The following TBC1D22A variants were observed in gnomAD, a reference collection of about 807,000 sequenced individuals.
The protein encoded by TBC1D22A is putative GTPase activator.
TBC1D22A carries 38 observed loss-of-function variants against 60.2 expected under a neutral mutation model. That is an observed-to-expected ratio of 0.63 (90% CI 0.49 to 0.83). The LOEUF is 0.83. Among genes scored for constraint, TBC1D22A ranks in the 40% least tolerant of loss-of-function variants. TBC1D22A has a pLI of 0.00. For synonymous variants in TBC1D22A, 302 were observed against 281.7 expected, an observed-to-expected ratio of 1.07 and a Z score of -0.72; for missense variants, 628 against 701.0, an observed-to-expected ratio of 0.90 and a Z score of 1.18.
At chr22:47,066,439 C>T (rs2147484115) in intron 11 of TBC1D22A, among the ~76,000 whole-genome samples, 1 of 152,282 alleles carries the variant, frequency 6.6e-6, no homozygotes, top group East Asian at 1.9e-4. Flanking sequence ...CAAGCTTTGG[C>T]TGCCCAAGGG....
chr22:46,948,518 C>G (rs2072691953), intron 8 of TBC1D22A, among the ~76,000 whole-genome samples: 1 of 152,222 alleles, frequency 6.6e-6, no homozygotes, highest in Admixed American at 6.5e-5. Flanking sequence ...GCTCATCCCC[C>G]CACGGTGGGT....
At chr22:46,765,451 T>TTTTTTG (rs895527405) in intron 1 of TBC1D22A, among the ~76,000 whole-genome samples, 4 of 152,172 alleles carry the variant, frequency 2.6e-5, no homozygotes, top group Admixed American at 1.3e-4. Context: ...TTTTCTTTCT[T>TTTTTTG]TTTTTGTTTT....
intron 8 of TBC1D22A, among the ~76,000 whole-genome samples, chr22:46,939,152 C>G (rs136059): frequency 0.45 from 67,294 of 150,884 alleles, 16,041 homozygotes; most frequent in African/African-American, 0.6. Flanking sequence ...ATAGCAATGA[C>G]AGGAAAATTG....
At chr22:46,837,541 A>G (rs1295452984) in intron 4 of TBC1D22A, among the ~76,000 whole-genome samples, 1 of 152,382 alleles carries the variant, frequency 6.6e-6, no homozygotes, top group South Asian at 2.1e-4. Context: ...AATAATATCA[A>G]GAATCTTGAT....
intron 1 of TBC1D22A, among the ~76,000 whole-genome samples, chr22:46,782,567 C>T (rs948964004): frequency 6.6e-6 from 1 of 152,184 alleles, no homozygotes; most frequent in African/African-American, 2.4e-5. Context: ...GTTAGGCAGT[C>T]ATTACTACAG....
At position 47,022,590 on chromosome 22, in the gene TBC1D22A, A is replaced by G. The variant is rs546578355; in HGVS notation, c.1202-14481A>G. 7.2e-5 allele frequency among the ~76,000 whole-genome samples: 11 copies of G among 152,186 alleles called. No individual in the cohort carries two copies. The South Asian group carries it at 2.3e-3, about 32-fold the overall frequency. On this transcript the variant is annotated intron_variant, in intron 10 of 12. Transcript: ENST00000337137. ...CCAAAACAAACAAACAAAAACACCA[A>G]AGCTCTGCACGGGTTCCTTTCAGGT...
rs149990747 is a variant in TBC1D22A, at chr22:46,889,695, G to A, written c.709-1571G>A. Among the ~76,000 whole-genome samples the A allele has an allele frequency of 2.2e-3, 330 of 152,308 alleles. 1 individual carries two copies. Among genetic ancestry groups the A allele is most frequent in the Admixed American group, 0.016 (242 of 15,300 alleles). The stretch of plus-strand genomic sequence containing the variant: ...CAGCTGATTCACGTAACTTGGATCC[G>A]TCTGGGAAGGTGCTGTGCTGCTGAG... On this transcript the variant is annotated intron_variant, in intron 5 of 12. Transcript: ENST00000337137.
At chr22:46,786,164 C>T (rs1358620200) in intron 1 of TBC1D22A, among the ~76,000 whole-genome samples, 1 of 152,122 alleles carries the variant, frequency 6.6e-6, no homozygotes, top group African/African-American at 2.4e-5. Flanking sequence ...TGTAGATATC[C>T]TTTATCAGGA....
intron 12 of TBC1D22A, among the ~76,000 whole-genome samples, chr22:47,145,391 G>T (rs1460979171): frequency 6.6e-6 from 1 of 152,216 alleles, no homozygotes; most frequent in Non-Finnish European, 1.5e-5. Context: ...GAGGTCCTCG[G>T]CCCAGAGTCC....
intron 10 of TBC1D22A, among the ~76,000 whole-genome samples, chr22:47,020,844 A>G (rs1372939761): frequency 6.8e-6 from 1 of 146,678 alleles, no homozygotes; most frequent in Non-Finnish European, 1.5e-5. Context: ...CTGTAATTAT[A>G]TAATTACAGG....
intron 11 of TBC1D22A, among the ~76,000 whole-genome samples, chr22:47,105,757 C>T (rs528116507): frequency 2.3e-4 from 35 of 152,016 alleles, no homozygotes; most frequent in Non-Finnish European, 3.7e-4. Context: ...GGTTTCCCAC[C>T]CCCCCACTCC....
intron 8 of TBC1D22A, among the ~76,000 whole-genome samples, chr22:46,942,183 C>T (rs1365594106): frequency 6.6e-6 from 1 of 151,990 alleles, no homozygotes; most frequent in African/African-American, 2.4e-5. Context: ...CAGGACTAGG[C>T]AGGCTGCCCG....
Position 46,762,736 on chromosome 22 carries a change from C to T in TBC1D22A, c.-51C>T, listed in dbSNP as rs1447335293. 2.2e-6 allele frequency: 3 copies of T among 1,390,562 alleles called. No individual in the cohort carries two copies. The highest frequency in any genetic ancestry group is 2.8e-6 in the Non-Finnish European group (3 of 1,071,716). 86.1% of individuals were successfully genotyped at this position (1,390,562 alleles called of 1,614,324 possible). ...CAGGAAAGGGCCGCTAGGGGAGGGC[C>T]GGGTGCACTCGGGGTGTCTGGGCCG... On this transcript the variant is annotated 5_prime_UTR_variant, in exon 1 of 13. Transcript: ENST00000337137.
At chr22:47,096,913 C>T (rs533957371) in intron 11 of TBC1D22A, among the ~76,000 whole-genome samples, 9 of 152,344 alleles carry the variant, frequency 5.9e-5, no homozygotes, top group South Asian at 2.1e-4. Context: ...ACCCTCAGTT[C>T]GCGTGTGGTG....
chr22:46,942,377 T>G (rs1455937681), intron 8 of TBC1D22A, among the ~76,000 whole-genome samples: 3 of 152,154 alleles, frequency 2.0e-5, no homozygotes, highest in Non-Finnish European at 4.4e-5. Context: ...GCTTCACCAC[T>G]CCTGTTGGTT....
chr22:47,067,721 T>C (rs1345070066), intron 11 of TBC1D22A, among the ~76,000 whole-genome samples: 1 of 152,202 alleles, frequency 6.6e-6, no homozygotes, highest in Non-Finnish European at 1.5e-5. Flanking sequence ...CATCGTCATG[T>C]ATTTAATAAC....
chr22:47,138,097 C>G (rs1439012515), intron 12 of TBC1D22A, among the ~76,000 whole-genome samples: 1 of 152,208 alleles, frequency 6.6e-6, no homozygotes, highest in African/African-American at 2.4e-5. Flanking sequence ...GAGGCTCCGG[C>G]ACTCATGGAG....
chr22:46,917,893 G>T (rs572129617), intron 8 of TBC1D22A, among the ~76,000 whole-genome samples: 1 of 152,178 alleles, frequency 6.6e-6, no homozygotes, highest in African/African-American at 2.4e-5. Context: ...GAGTCTGGGC[G>T]TTGAGAGTCC....
intron 4 of TBC1D22A, among the ~76,000 whole-genome samples, chr22:46,871,465 A>G (rs2067290931): frequency 6.6e-6 from 1 of 152,230 alleles, no homozygotes; most frequent in South Asian, 2.1e-4. Context: ...GTTGGCCCCA[A>G]AAAGTTATAG....
Sources: allele counts gnomAD v4.1 joint callset (sites outside exome capture counted in the v4.1 genomes callset), GRCh38; gene constraint gnomAD v4.1.1; transcripts MANE v1.5; gene names NCBI Gene and HGNC (gene_info 2026-07-23, HGNC 2026-07-21).